Variants in RNLS observed in about 807,000 individuals in gnomAD.
RNLS encodes the protein renalase, FAD dependent amine oxidase.
Under a neutral mutation model 39.8 loss-of-function variants are expected in RNLS, and 39 were observed. The ratio of observed to expected loss-of-function variants is 0.98; its 90% CI spans 0.76 to 1.28. The LOEUF is 1.28. Ranked by LOEUF, RNLS falls within the 50% of genes most tolerant of loss-of-function variation. The pLI, the probability that RNLS is intolerant of heterozygous loss-of-function variation, is 0.00. For synonymous variants in RNLS, 147 were observed against 150.7 expected (o/e 0.98, Z 0.18); for missense variants, 410 against 413.3 (o/e 0.99, Z 0.07).
At position 88,441,176 on chromosome 10, in the gene RNLS, T is replaced by C. The variant is rs141307891; in HGVS notation, c.527-78451A>G. Among the ~76,000 whole-genome samples the C allele has an allele frequency of 1.4e-3, 220 of 152,346 alleles. 1 individual carries two copies. Among genetic ancestry groups the C allele is most frequent in the Admixed American group, 8.6e-3 (131 of 15,306 alleles). On this transcript the variant is annotated intron_variant, in intron 4 of 6. Coordinates refer to ENST00000331772, the MANE Select transcript of RNLS (RefSeq NM_001031709.3). ...GGAAAATTCTTCTTTTCTATGCCTA[T>C]TAACGTGCTTTTGGGAACCCATGGC...
At chr10:88,460,456 C>T (rs1412169608) in intron 4 of RNLS, among the ~76,000 whole-genome samples, 2 of 152,122 alleles carry the variant, frequency 1.3e-5, no homozygotes, top group African/African-American at 4.8e-5. Flanking sequence ...AGATTATCCA[C>T]CTGAGGTCTC....
chr10:88,242,074 G>C, the RNLS span, among the ~76,000 whole-genome samples: 1 of 152,038 alleles, frequency 6.6e-6, no homozygotes, highest in East Asian at 1.9e-4. Flanking sequence ...TGTATTCCTA[G>C]AACTTTTAAC....
In RNLS at chr10:88,583,131, C is replaced by T; in HGVS notation, c.60G>A (p.Leu20=). The change falls in exon 1 of 7, where the codon CTG becomes CTA. Residue 20 remains leucine (L), a synonymous_variant. Transcript: ENST00000331772. ...GMTGSLCAAL[L]RRQTSGPLYL... Reference sequence around the variant, plus strand: ...ACAAGGGACCGGACGTCTGCCTCCTCAGCAGCGCAGCGCACAAGCTTCCTG... The same window carrying T: ...ACAAGGGACCGGACGTCTGCCTCCTTAGCAGCGCAGCGCACAAGCTTCCTG... 1.2e-6 allele frequency: 2 copies of T among 1,614,132 alleles called. No homozygotes were observed. Among genetic ancestry groups the T allele is most frequent in the Non-Finnish European group, 1.7e-6 (2 of 1,179,968 alleles).
chr10:88,545,467 G>A (rs1427946436), intron 4 of RNLS: 2 of 456,074 alleles, frequency 4.4e-6, no homozygotes, highest in East Asian at 1.4e-4. Flanking sequence ...GTGGTGGCAG[G>A]CAAGACAGCA....
At chr10:88,514,714 G>A (rs1226023131) in intron 4 of RNLS, among the ~76,000 whole-genome samples, 1 of 151,886 alleles carries the variant, frequency 6.6e-6, no homozygotes, top group Admixed American at 6.6e-5. Context: ...TGTCCTTCAG[G>A]TTCATCCATG....
intron 4 of RNLS, among the ~76,000 whole-genome samples, chr10:88,449,533 A>C (rs1245712083): frequency 3.3e-5 from 5 of 152,166 alleles, no homozygotes; most frequent in Admixed American, 6.6e-5. Flanking sequence ...AACTAATAAT[A>C]ATTTTTATTA....
chr10:88,256,807 A>G, the RNLS span, among the ~76,000 whole-genome samples: 1 of 152,178 alleles, frequency 6.6e-6, no homozygotes, highest in Non-Finnish European at 1.5e-5. Context: ...ATGATCAGTT[A>G]TTCAAACGTC....
At chr10:88,525,369 T>C (rs182907194) in intron 4 of RNLS, among the ~76,000 whole-genome samples, 4 of 152,066 alleles carry the variant, frequency 2.6e-5, no homozygotes, top group Admixed American at 2.6e-4. Context: ...ATAGTTCAGA[T>C]GAAAGAATCT....
intron 4 of RNLS, among the ~76,000 whole-genome samples, chr10:88,375,841 T>C (rs959625325): frequency 2.0e-5 from 3 of 152,084 alleles, no homozygotes; most frequent in Admixed American, 1.3e-4. Flanking sequence ...GGGAGTCCCA[T>C]AAAATATGGG....
chr10:88,401,080 C>G (rs1852885140), intron 4 of RNLS, among the ~76,000 whole-genome samples: 1 of 151,834 alleles, frequency 6.6e-6, no homozygotes, highest in South Asian at 2.1e-4. Flanking sequence ...CAATTTCCCC[C>G]CTACTCACCC....
At chr10:88,203,454 GTGTATATATATATATATATA>G in the RNLS span, among the ~76,000 whole-genome samples, 97 of 836 alleles carry the variant, frequency 0.12, 32 homozygotes, top group African/African-American at 0.48. Flanking sequence ...GTGTGTGTGT[GTGTATATATATATATATATA>G]TATATATATA....
intron 4 of RNLS, among the ~76,000 whole-genome samples, chr10:88,381,621 A>C (rs2133517908): frequency 6.6e-6 from 1 of 152,140 alleles, no homozygotes; most frequent in East Asian, 1.9e-4. Flanking sequence ...GTCCCTTTGA[A>C]TTATAGATTA....
intron 6 of RNLS, among the ~76,000 whole-genome samples, chr10:88,313,293 A>C (rs553487591): frequency 3.9e-5 from 6 of 152,334 alleles, no homozygotes; most frequent in African/African-American, 1.4e-4. Context: ...AGTATTTATA[A>C]ATCACAAAGT....
chr10:88,432,342 G>A (rs952279088), intron 4 of RNLS, among the ~76,000 whole-genome samples: 4 of 151,638 alleles, frequency 2.6e-5, no homozygotes, highest in South Asian at 2.1e-4. Flanking sequence ...TAATCTAGCC[G>A]TATCTTTATA....
At position 88,510,288 on chromosome 10, in the gene RNLS, G is replaced by A. The variant is rs147890681; in HGVS notation, c.526+62615C>T. Among the ~76,000 whole-genome samples the A allele has an allele frequency of 6.5e-4, 99 of 152,062 alleles. 1 individual carries two copies. Among genetic ancestry groups the A allele is most frequent in the African/African-American group, 2.2e-3 (92 of 41,494 alleles). On this transcript the variant is annotated intron_variant, in intron 4 of 6. Transcript: ENST00000331772. Reference sequence around the variant, plus strand: ...TAAAACATTTAAAGAAAAAAAAAATGAGGCAGATAATTCTATCCATCCTGA... The same window carrying A: ...TAAAACATTTAAAGAAAAAAAAAATAAGGCAGATAATTCTATCCATCCTGA...
At chr10:88,348,814 T>C (rs1478543122) in intron 5 of RNLS, among the ~76,000 whole-genome samples, 1 of 152,184 alleles carries the variant, frequency 6.6e-6, no homozygotes, top group Non-Finnish European at 1.5e-5. Context: ...CAGAAGACCA[T>C]AACTTTTCCT....
intron 4 of RNLS, among the ~76,000 whole-genome samples, chr10:88,489,125 C>G (rs1352603931): frequency 6.6e-6 from 1 of 151,942 alleles, no homozygotes; most frequent in Non-Finnish European, 1.5e-5. Context: ...TCTATACTTT[C>G]AATTTAAAAA....
At chr10:88,258,059 C>T in the RNLS span, among the ~76,000 whole-genome samples, 1 of 152,186 alleles carries the variant, frequency 6.6e-6, no homozygotes, top group African/African-American at 2.4e-5. Flanking sequence ...AATTGACTAG[C>T]AAGTCCTTTG....
chr10:88,480,829 TATTACAAATGGA>T (rs1334830604), intron 4 of RNLS, among the ~76,000 whole-genome samples: 13 of 142,490 alleles, frequency 9.1e-5, no homozygotes, highest in Admixed American at 9.1e-4. Flanking sequence ...GTATGTGTTC[TATTACAAATGGA>T]ATTTATATCT....
Sources: gnomAD v4.1 joint callset for allele counts (sites outside exome capture counted in the v4.1 genomes callset) on GRCh38, gnomAD v4.1.1 for gene constraint, MANE v1.5 for transcripts, NCBI Gene and HGNC (gene_info 2026-07-23, HGNC 2026-07-21) for gene names.